The following UBR4 variants were observed in gnomAD, a reference collection of about 807,000 sequenced individuals.
UBR4 encodes ubiquitin protein ligase E3 component n-recognin 4, also known as E3 ubiquitin-protein ligase UBR4.
In UBR4, 124 loss-of-function variants were observed where a neutral mutation model predicts 575.6. The observed-to-expected ratio is 0.22, with a 90% CI of 0.19 to 0.25. UBR4 has a LOEUF of 0.25. UBR4 is among the 10% of genes least tolerant of loss of function. The pLI is 1.00. For synonymous variants in UBR4, 2,455 were observed against 2,473.7 expected (o/e 0.99, Z 0.22); for missense variants, 4,818 against 6,478.8 (o/e 0.74, Z 8.80).
intron 105 of UBR4, chr1:19,075,284 G>C (rs557190371): frequency 8.0e-5 from 23 of 288,310 alleles, no homozygotes; most frequent in African/African-American, 5.1e-4. Flanking sequence ...AGGGGTGCTT[G>C]CCAGCAGCTC....
intron 13 of UBR4, 149 bp from the exon 14 acceptor site, chr1:19,186,806 C>T (rs777691469): frequency 8.6e-6 from 6 of 700,302 alleles, no homozygotes; most frequent in Non-Finnish European, 1.4e-5. Flanking sequence ...CATCACTTTA[C>T]CCTACAAAAA....
In UBR4 at chr1:19,139,265, C is replaced by T. The variant is rs376567984; in HGVS notation, c.8594-45G>A. On this transcript the variant is annotated intron_variant, in intron 58 of 105. Transcript: ENST00000375254. The surrounding 1 kb of genome is among the most constrained non-coding windows in gnomAD (Gnocchi z 4.2). ...TGTTACAGGTTAAAAAACAAACAAA[C>T]AAACAAACAAACAAAAAACAAAAAA... 11 of 1,532,108 alleles carry T rather than the reference C, an allele frequency of 7.2e-6. No individual in the cohort carries two copies. The highest frequency in any genetic ancestry group is 8.8e-6 in the Non-Finnish European group (10 of 1,136,148). The allele number at this position is 1,532,108 out of a possible 1,614,324, so 94.9% of individuals were successfully genotyped here.
intron 100 of UBR4, 65 bp from the exon 101 acceptor site, chr1:19,086,335 C>T (rs906724592): frequency 7.7e-3 from 25 of 3,240 alleles, no homozygotes; most frequent in African/African-American, 0.034. Flanking sequence ...GGCACCTGGG[C>T]GGGGGGGCGG....
Position 19,117,125 on chromosome 1 carries a change from G to C in UBR4, c.10823+96C>G. ...CCAAGAGGATGTATTAGGCCTCTAGGGATGTGCTGCCTTACTCCATTCCAG... is the reference window on the plus strand; with the variant it reads ...CCAAGAGGATGTATTAGGCCTCTAGCGATGTGCTGCCTTACTCCATTCCAG... On this transcript the variant is annotated intron_variant, in intron 73 of 105. Transcript: ENST00000375254. This position sits in a 1 kb window ranked among gnomAD's most constrained non-coding sequence, Gnocchi z 4.0. The C allele has an allele frequency of 7.2e-7, 1 of 1,388,360 alleles. No homozygotes were observed. 86.0% of individuals were successfully genotyped at this position (1,388,360 alleles called of 1,614,324 possible). A position where few individuals can be genotyped will look rare whatever the true frequency, so the allele number is the denominator to read the frequency against.
intron 1 of UBR4, among the ~76,000 whole-genome samples, chr1:19,205,091 C>T (rs1034431468): frequency 6.6e-6 from 1 of 152,190 alleles, no homozygotes; most frequent in Admixed American, 6.5e-5. Context: ...AATCACCTGT[C>T]GCTCCTAATG....
chr1:19,123,074 A>C lies in UBR4; in HGVS notation c.9589-14T>G, dbSNP rs2081344022. On this transcript the variant is annotated splice_polypyrimidine_tract_variant and intron_variant, in intron 65 of 105. Transcript: ENST00000375254. ...GATCATGAGGTACTTGAGAAGAAAA[A>C]CACCACAAAGAGTAAATGACTCTGG... 3 of 1,613,458 alleles carry C rather than the reference A, an allele frequency of 1.9e-6. No homozygotes were observed. The highest frequency in any genetic ancestry group is 4.5e-5 in the East Asian group (2 of 44,848).
chr1:19,104,034 AG>A (rs576836767), intron 87 of UBR4, 49 bp downstream of exon 87: 15 of 1,582,262 alleles, frequency 9.5e-6, no homozygotes, highest in Admixed American at 1.8e-5. Flanking sequence ...GCACCTCGGC[AG>A]CCCCAGAAGG....
In UBR4 at chr1:19,173,073, G is replaced by A. The variant is rs2150937032; in HGVS notation, c.3312C>T (p.Ile1104=). Residue 1104 remains isoleucine, a synonymous_variant, in exon 25 of 106, where the codon ATC becomes ATT. Coordinates refer to ENST00000375254, the MANE Select transcript of UBR4 (RefSeq NM_020765.3). ...GCAGCTGCAAGATGGTGGTACAGTC[G>A]ATACTACAGAAGGATGAGATCTTTA... The part of the protein sequence containing the change: ...FARQISSFCS[I]DCTTILQLHE... The A allele has an allele frequency of 3.7e-6, 6 of 1,614,188 alleles. No individual in the cohort carries two copies. The highest frequency in any genetic ancestry group is 1.6e-4 in the Middle Eastern group (1 of 6,062).
In UBR4 at chr1:19,074,587, T is replaced by G. The variant is rs1474919571; in HGVS notation, c.*245A>C. On this transcript the variant is annotated 3_prime_UTR_variant, in exon 106 of 106. Coordinates refer to ENST00000375254, the MANE Select transcript of UBR4 (RefSeq NM_020765.3). ...GTATGAAGCTGGCCGGGACAACTCA[T>G]GGCTCCTAGGTATGTACAGGCCCTT... The G allele has an allele frequency of 1.8e-6, 1 of 549,198 alleles. No individual in the cohort carries two copies. The highest frequency in any genetic ancestry group is 3.3e-6 in the Non-Finnish European group (1 of 304,772). The allele number at this position is 549,198 out of a possible 1,614,324, so 34.0% of individuals were successfully genotyped here. A position where few individuals can be genotyped will look rare whatever the true frequency, so the allele number is the denominator to read the frequency against.
intron 51 of UBR4, 39 bp downstream of exon 51, chr1:19,147,954 G>T: frequency 6.3e-7 from 1 of 1,598,492 alleles, no homozygotes; most frequent in Non-Finnish European, 8.5e-7. Flanking sequence ...TTGATTCCCT[G>T]TCAGCACTGC....
chr1:19,121,136 A>G, intron 68 of UBR4, 53 bp downstream of exon 68: 1 of 1,587,794 alleles, frequency 6.3e-7, no homozygotes, highest in Non-Finnish European at 8.6e-7. Context: ...ATGTGCTCCA[A>G]GAGAGATTTA....
At chr1:19,154,191 G>A (rs971427498) in intron 44 of UBR4, among the ~76,000 whole-genome samples, 2 of 152,160 alleles carry the variant, frequency 1.3e-5, no homozygotes, top group Admixed American at 6.5e-5. Context: ...AGAACAGGTG[G>A]CCCTATGTGC....
At chr1:19,180,172 T>C (rs181541567) in intron 17 of UBR4, among the ~76,000 whole-genome samples, 2 of 151,960 alleles carry the variant, frequency 1.3e-5, no homozygotes, top group Non-Finnish European at 2.9e-5. Context: ...GGTTTATCTC[T>C]AAAACCATGT....
At position 19,119,493 on chromosome 1, in the gene UBR4, TAACTC is replaced by T. The variant is rs557482871; in HGVS notation, c.10455+59_10455+63del. 846 of 1,577,308 alleles carry T rather than the reference TAACTC, an allele frequency of 5.4e-4. 14 individuals carry two copies. In the South Asian group the frequency reaches 8.5e-3, roughly 16 times the overall value. Reference sequence around the variant, plus strand: ...ATATCTGGGTTGTTCATAATATTCTTAACTCAAGAGAAAAAAGGTTAAATATGGCA... The same window carrying T: ...ATATCTGGGTTGTTCATAATATTCTTAAGAGAAAAAAGGTTAAATATGGCA... On this transcript the variant is annotated intron_variant, in intron 70 of 105. Transcript: ENST00000375254.
chr1:19,210,149 G>C lies in UBR4; in HGVS notation c.100C>G (p.Arg34Gly). 1 of 1,573,988 alleles carries C rather than the reference G, an allele frequency of 6.4e-7. No homozygotes were observed. Among genetic ancestry groups the C allele is most frequent in the Non-Finnish European group, 8.6e-7 (1 of 1,163,588 alleles). The change falls in exon 1 of 106, where the codon CGG (arginine) becomes GGG (glycine). Residue 34 changes from arginine (R) to glycine (G), a missense_variant. This residue lies in a region of UBR4 where 95 missense variants were observed against 87.7 expected (regional missense o/e 1.08). Transcript: ENST00000375254. ...DTTPGWEVAV[R>G]PLLSASYSAF... is the part of the protein sequence containing the mutation. The stretch of plus-strand genomic sequence containing the variant: ...GAGTAGGACGCGGACAGCAGGGGCC[G>C]CACAGCCACCTCCCAGCCCGGGGTC...
At position 19,105,768 on chromosome 1, in the gene UBR4, G is replaced by A; in HGVS notation, c.12468C>T (p.Pro4156=). The change falls in exon 84 of 106, where the codon CCC becomes CCT. Residue 4156 remains proline (P), a synonymous_variant. Coordinates refer to ENST00000375254, the MANE Select transcript of UBR4 (RefSeq NM_020765.3). ...CTIVEALATI[P]SRKQQVLDLL... Reference sequence around the variant, plus strand: ...GGTCCAGGACCTGCTGCTTGCGGCTGGGAATGGTGGCTAGAGCTTCCACAA... The same window carrying A: ...GGTCCAGGACCTGCTGCTTGCGGCTAGGAATGGTGGCTAGAGCTTCCACAA... 2 of 1,610,350 alleles carry A rather than the reference G, an allele frequency of 1.2e-6. No homozygotes were observed. Among genetic ancestry groups the A allele is most frequent in the Non-Finnish European group, 1.7e-6 (2 of 1,178,848 alleles).
Position 19,078,058 on chromosome 1 carries a change from T to G in UBR4, c.15242A>C (p.Asp5081Ala). 1 of 1,613,984 alleles carries G rather than the reference T, an allele frequency of 6.2e-7. No homozygotes were observed. Among genetic ancestry groups the G allele is most frequent in the East Asian group, 2.2e-5 (1 of 44,858 alleles). The change falls in exon 104 of 106, where the codon GAT becomes GCT. Residue 5081 changes from aspartate to alanine, a missense_variant. This residue lies in a region of UBR4 where 212 missense variants were observed against 221.3 expected (regional missense o/e 0.96). Transcript: ENST00000375254. Reference protein sequence around the residue: ...VAPGGATRLTDKAVKDYSAYR... With the variant: ...VAPGGATRLTAKAVKDYSAYR... ...AGCGGAATAGTCCTTCACTGCCTTATCTGTCAGCCTGGAAAAGAAAATCCA... is the reference window on the plus strand; with the variant it reads ...AGCGGAATAGTCCTTCACTGCCTTAGCTGTCAGCCTGGAAAAGAAAATCCA...
intron 41 of UBR4, 97 bp downstream of exon 41, chr1:19,156,670 T>C (rs1198560183): frequency 9.4e-6 from 14 of 1,491,864 alleles, no homozygotes; most frequent in Non-Finnish European, 1.3e-5. Flanking sequence ...AATTTTAATC[T>C]CCACAACGAA....
chr1:19,112,463 T>C (rs1017911613), intron 78 of UBR4, 61 bp downstream of exon 78: 13 of 1,540,030 alleles, frequency 8.4e-6, no homozygotes, highest in Non-Finnish European at 1.1e-5. Flanking sequence ...CTAACGCTCC[T>C]GGCATGGCTG....
Sources: allele counts gnomAD v4.1 joint callset (sites outside exome capture counted in the v4.1 genomes callset), GRCh38; gene constraint gnomAD v4.1.1; regional missense constraint gnomAD v4.1.1; non-coding constraint Gnocchi (gnomAD v3.1); transcripts MANE v1.5; gene names NCBI Gene and HGNC (gene_info 2026-07-23, HGNC 2026-07-21).